The following TMEM132C variants were observed in gnomAD, a reference collection of about 807,000 sequenced individuals.
The protein encoded by TMEM132C is transmembrane protein 132C.
A neutral mutation model predicts 61.4 loss-of-function variants in TMEM132C; 29 were observed. The observed-to-expected ratio is 0.47, with a 90% CI of 0.35 to 0.64. TMEM132C has a LOEUF of 0.64. Among genes scored for constraint, TMEM132C ranks in the 30% least tolerant of loss-of-function variants. TMEM132C has a pLI of 0.00. For synonymous variants in TMEM132C, 656 were observed against 633.1 expected (o/e 1.04, Z -0.54); for missense variants, 1,408 against 1,476.9 (o/e 0.95, Z 0.76).
intron 1 of TMEM132C, among the ~76,000 whole-genome samples, chr12:128,347,169 A>G (rs1436425529): frequency 6.6e-6 from 1 of 152,202 alleles, no homozygotes; most frequent in African/African-American, 2.4e-5. Context: ...AGATGAGAAC[A>G]TACTATATGT....
At chr12:128,660,795 C>T (rs915542956) in intron 4 of TMEM132C, among the ~76,000 whole-genome samples, 9 of 152,014 alleles carry the variant, frequency 5.9e-5, no homozygotes, top group African/African-American at 1.4e-4. Context: ...GAGCCAGGCA[C>T]GGTAATTACA....
chr12:128,302,665 G>C (rs1205158376), intron 1 of TMEM132C, among the ~76,000 whole-genome samples: 1 of 152,228 alleles, frequency 6.6e-6, no homozygotes, highest in Non-Finnish European at 1.5e-5. Flanking sequence ...AATGTGGCAA[G>C]TATTAAGAGA....
At chr12:128,369,954 G>A (rs986481304) in intron 1 of TMEM132C, among the ~76,000 whole-genome samples, 4 of 152,218 alleles carry the variant, frequency 2.6e-5, no homozygotes, top group Non-Finnish European at 5.9e-5. Flanking sequence ...CCAAACATTA[G>A]TATGGGTTTA....
intron 1 of TMEM132C, among the ~76,000 whole-genome samples, chr12:128,358,912 C>G (rs1258027569): frequency 6.6e-6 from 1 of 152,134 alleles, no homozygotes; most frequent in Non-Finnish European, 1.5e-5. Flanking sequence ...CACCCTGGTA[C>G]CAGTCACACA....
At chr12:128,624,561 A>T (rs554437074) in intron 4 of TMEM132C, among the ~76,000 whole-genome samples, 1 of 151,120 alleles carries the variant, frequency 6.6e-6, no homozygotes, top group East Asian at 1.9e-4. Context: ...AAAAAAAAAA[A>T]AAAAAAGGAA....
rs1284739855 is a variant in TMEM132C, at chr12:128,630,666, T to C, written c.1305+14331T>C. ...CGGGAACTTGGCTGTGTCCACTCCC[T>C]AGTCCTCACCTTCCAGATCACTGCT... is the stretch of plus-strand genomic sequence containing the variant. On this transcript the variant is annotated intron_variant, in intron 4 of 8. Coordinates refer to ENST00000435159, the MANE Select transcript of TMEM132C (RefSeq NM_001136103.3). This position sits in a 1 kb window ranked among gnomAD's most constrained non-coding sequence, Gnocchi z 4.3. 6.6e-6 allele frequency among the ~76,000 whole-genome samples: 1 copy of C among 152,318 alleles called. No individual in the cohort carries two copies. Among genetic ancestry groups the C allele is most frequent in the Admixed American group, 6.5e-5 (1 of 15,304 alleles).
intron 5 of TMEM132C, among the ~76,000 whole-genome samples, chr12:128,674,762 T>G (rs2135634812): frequency 6.6e-6 from 1 of 152,336 alleles, no homozygotes; most frequent in South Asian, 2.1e-4. Context: ...GTGAGGTTTT[T>G]GGTGCAACCA....
intron 4 of TMEM132C, among the ~76,000 whole-genome samples, chr12:128,645,821 C>T (rs1954192134): frequency 6.6e-6 from 1 of 151,700 alleles, no homozygotes; most frequent in Non-Finnish European, 1.5e-5. Flanking sequence ...TACTAGAGTC[C>T]ATCGGCTTTG....
chr12:128,643,044 T>A (rs1954169318), intron 4 of TMEM132C, among the ~76,000 whole-genome samples: 1 of 152,230 alleles, frequency 6.6e-6, no homozygotes, highest in South Asian at 2.1e-4. Context: ...CTTCAGAGAA[T>A]GCTTTCTTGA....
At chr12:128,670,587 C>G (rs1954522329) in intron 5 of TMEM132C, among the ~76,000 whole-genome samples, 1 of 152,158 alleles carries the variant, frequency 6.6e-6, no homozygotes, top group Admixed American at 6.5e-5. Context: ...CGTCCACGTT[C>G]TAACAAATAA....
rs761620460 is a variant in TMEM132C, at chr12:128,427,387, G to GGTGTGTGTGT, written c.974+11800_974+11809dup. Among the ~76,000 whole-genome samples the GGTGTGTGTGT allele has an allele frequency of 4.2e-3, 553 of 132,304 alleles. 5 individuals carry two copies. The highest frequency in any genetic ancestry group is 9.0e-3 in the East Asian group (40 of 4,466). 86.8% of individuals were successfully genotyped at this position (132,304 alleles called of 152,430 possible). On this transcript the variant is annotated intron_variant, in intron 2 of 8. Coordinates refer to ENST00000435159, the MANE Select transcript of TMEM132C (RefSeq NM_001136103.3). Reference sequence around the variant, plus strand: ...TCCTTTTAGTTTCTACTTCCAAAGGGGTGTGTGTGTGTGTGTGTGTGTGTG... The same window carrying GGTGTGTGTGT: ...TCCTTTTAGTTTCTACTTCCAAAGGGGTGTGTGTGTGTGTGTGTGTGTGTGTGTGTGTGTG...
chr12:128,416,518 T>G (rs2074529938), intron 2 of TMEM132C, among the ~76,000 whole-genome samples: 1 of 152,270 alleles, frequency 6.6e-6, no homozygotes. Context: ...CAGCTATGCT[T>G]TGGCTCTTGT....
intron 1 of TMEM132C, among the ~76,000 whole-genome samples, chr12:128,379,254 T>C (rs1874324421): frequency 6.6e-6 from 1 of 152,110 alleles, no homozygotes; most frequent in Non-Finnish European, 1.5e-5. Context: ...AGGTTGTTGG[T>C]GAGAAAAAGA....
At chr12:128,565,222 A>T (rs1202824702) in intron 3 of TMEM132C, among the ~76,000 whole-genome samples, 1 of 152,214 alleles carries the variant, frequency 6.6e-6, no homozygotes, top group Admixed American at 6.5e-5. Context: ...TGGTGAGCAG[A>T]ATTCTCTCAA....
chr12:128,316,210 C>T (rs537497223), intron 1 of TMEM132C, among the ~76,000 whole-genome samples: 1 of 152,252 alleles, frequency 6.6e-6, no homozygotes, highest in African/African-American at 2.4e-5. Context: ...TTCTATTAGA[C>T]TCTCTGTTCT....
At position 128,274,510 on chromosome 12, in the gene TMEM132C, T is replaced by A. The variant is rs541531177; in HGVS notation, c.85+7023T>A. ...GTTGTTAGCAACAGAAACATCTTAATACCTTAATTGCTTATTACTAAGTTA... is the reference window on the plus strand; with the variant it reads ...GTTGTTAGCAACAGAAACATCTTAAAACCTTAATTGCTTATTACTAAGTTA... On this transcript the variant is annotated intron_variant, in intron 1 of 8. Transcript: ENST00000435159. Among the ~76,000 whole-genome samples, 3 of 152,332 alleles carry A rather than the reference T, an allele frequency of 2.0e-5. No individual in the cohort carries two copies. The South Asian group carries it at 6.2e-4, about 32-fold the overall frequency.
At chr12:128,298,739 A>G (rs1871505225) in intron 1 of TMEM132C, among the ~76,000 whole-genome samples, 1 of 152,192 alleles carries the variant, frequency 6.6e-6, no homozygotes, top group African/African-American at 2.4e-5. Context: ...GTTGTCTTTG[A>G]TCCACATCTA....
intron 2 of TMEM132C, among the ~76,000 whole-genome samples, chr12:128,521,513 T>C (rs1207058544): frequency 6.6e-6 from 1 of 151,248 alleles, no homozygotes; most frequent in Non-Finnish European, 1.5e-5. Flanking sequence ...GCAAGTGTTT[T>C]TGAATGTCTT....
chr12:128,477,352 C>A (rs1871182855), intron 2 of TMEM132C, among the ~76,000 whole-genome samples: 1 of 152,108 alleles, frequency 6.6e-6, no homozygotes, highest in Non-Finnish European at 1.5e-5. Context: ...CAAGCAGAGG[C>A]CTTCCCCGCA....
Sources: allele counts gnomAD v4.1 joint callset (sites outside exome capture counted in the v4.1 genomes callset), GRCh38; gene constraint gnomAD v4.1.1; non-coding constraint Gnocchi (gnomAD v3.1); transcripts MANE v1.5; gene names NCBI Gene and HGNC (gene_info 2026-07-23, HGNC 2026-07-21).